Variants in SPOCK1 observed in about 807,000 individuals in gnomAD.
SPOCK1 encodes testican-1.
Under a neutral mutation model 55.3 loss-of-function variants are expected in SPOCK1, and 23 were observed. The observed-to-expected ratio is 0.42, with a 90% CI of 0.30 to 0.59. The LOEUF (loss-of-function observed/expected upper bound fraction) is 0.59, where lower values mean the gene tolerates loss of function less well. SPOCK1 is among the 20% of genes least tolerant of loss of function. SPOCK1 has a pLI of 0.22. For missense variants in SPOCK1, 499 were observed against 552.5 expected (o/e 0.90, Z 0.97); for synonymous variants, 226 against 221.0 (o/e 1.02, Z -0.20).
intron 2 of SPOCK1, among the ~76,000 whole-genome samples, chr5:137,426,131 T>C (rs1027456582): frequency 2.0e-5 from 3 of 152,238 alleles, no homozygotes; most frequent in African/African-American, 4.8e-5. Flanking sequence ...ATCCATAAAA[T>C]AGACATGACA....
intron 2 of SPOCK1, among the ~76,000 whole-genome samples, chr5:137,366,650 A>G (rs1751073442): frequency 6.6e-6 from 1 of 152,258 alleles, no homozygotes; most frequent in African/African-American, 2.4e-5. Flanking sequence ...GCCATTTAAC[A>G]CTAACCAACT....
intron 6 of SPOCK1, among the ~76,000 whole-genome samples, chr5:137,064,245 G>A (rs2127004510): frequency 6.6e-6 from 1 of 152,256 alleles, no homozygotes; most frequent in South Asian, 2.1e-4. Context: ...CTACTTCCTG[G>A]AATTCAGGTA....
intron 2 of SPOCK1, among the ~76,000 whole-genome samples, chr5:137,489,700 T>C (rs553941580): frequency 6.6e-6 from 1 of 152,356 alleles, no homozygotes; most frequent in East Asian, 1.9e-4. Context: ...GTTGAAAATG[T>C]GTGAAGTGTG....
chr5:137,444,362 C>T (rs1210550530), intron 2 of SPOCK1, among the ~76,000 whole-genome samples: 1 of 152,216 alleles, frequency 6.6e-6, no homozygotes, highest in South Asian at 2.1e-4. Context: ...ATCATATAGG[C>T]TCTGCCTGGT....
At chr5:137,112,306 T>C in intron 5 of SPOCK1, 129 bp downstream of exon 5, 1 of 1,159,532 alleles carries the variant, frequency 8.6e-7, no homozygotes. Flanking sequence ...AGTCTGCTAA[T>C]GCAGCAGCTT....
chr5:137,432,198 G>T (rs1752762221), intron 2 of SPOCK1, among the ~76,000 whole-genome samples: 1 of 152,128 alleles, frequency 6.6e-6, no homozygotes, highest in African/African-American at 2.4e-5. Context: ...CAGCACTGAG[G>T]TTCCTCAAAA....
chr5:137,066,960 GCA>G (rs1336029539), intron 6 of SPOCK1, among the ~76,000 whole-genome samples: 4 of 41,138 alleles, frequency 9.7e-5, no homozygotes, highest in Admixed American at 6.8e-4. Context: ...TAAAACATAA[GCA>G]TACACACACA....
chr5:137,035,337 A>AGC, intron 6 of SPOCK1, among the ~76,000 whole-genome samples: 1 of 152,178 alleles, frequency 6.6e-6, no homozygotes, highest in African/African-American at 2.4e-5. Flanking sequence ...TGGGGAAGAT[A>AGC]CAGGGTCTTC....
intron 2 of SPOCK1, among the ~76,000 whole-genome samples, chr5:137,435,894 C>A (rs1222956420): frequency 1.3e-5 from 2 of 152,004 alleles, no homozygotes; most frequent in African/African-American, 2.4e-5. Flanking sequence ...GTGGCTCACA[C>A]CTGTAATCCC....
chr5:137,393,835 A>C (rs1184668943), intron 2 of SPOCK1, among the ~76,000 whole-genome samples: 1 of 152,264 alleles, frequency 6.6e-6, no homozygotes, highest in African/African-American at 2.4e-5. Flanking sequence ...AACACTATTA[A>C]GTGAATGAAT....
intron 3 of SPOCK1, among the ~76,000 whole-genome samples, chr5:137,179,163 A>C (rs1754918293): frequency 6.6e-6 from 1 of 152,216 alleles, no homozygotes; most frequent in African/African-American, 2.4e-5. Context: ...ATCCATCCCC[A>C]GTCTGCTAAG....
intron 2 of SPOCK1, among the ~76,000 whole-genome samples, chr5:137,318,646 G>A (rs1757926302): frequency 6.6e-6 from 1 of 152,204 alleles, no homozygotes; most frequent in Admixed American, 6.5e-5. Context: ...ATGTTACTAG[G>A]AGACTACCCT....
chr5:137,408,096 CACA>C (rs1270866123), intron 2 of SPOCK1, among the ~76,000 whole-genome samples: 1 of 152,196 alleles, frequency 6.6e-6, no homozygotes, highest in Non-Finnish European at 1.5e-5. Flanking sequence ...TTATTTCCTT[CACA>C]ACACTTATCA....
intron 2 of SPOCK1, among the ~76,000 whole-genome samples, chr5:137,355,296 G>A (rs923059583): frequency 2.0e-5 from 3 of 152,158 alleles, no homozygotes; most frequent in African/African-American, 7.2e-5. Flanking sequence ...GGGCTCAAGT[G>A]ATCCTCCTGC....
At chr5:137,269,455 G>A (rs1468390903) in intron 2 of SPOCK1, among the ~76,000 whole-genome samples, 1 of 152,186 alleles carries the variant, frequency 6.6e-6, no homozygotes, top group Non-Finnish European at 1.5e-5. Flanking sequence ...ATGAACACAT[G>A]TGAAGGACTC....
At chr5:137,036,960 C>T (rs1472551504) in intron 6 of SPOCK1, among the ~76,000 whole-genome samples, 2 of 152,112 alleles carry the variant, frequency 1.3e-5, no homozygotes, top group Non-Finnish European at 2.9e-5. Context: ...ACCAGCCCGG[C>T]AGCCCTGGGA....
intron 2 of SPOCK1, among the ~76,000 whole-genome samples, chr5:137,315,457 C>A (rs1561502216): frequency 6.6e-6 from 1 of 152,204 alleles, no homozygotes; most frequent in Non-Finnish European, 1.5e-5. Flanking sequence ...ACAACCCCCC[C>A]ACCATCTCCA....
intron 6 of SPOCK1, among the ~76,000 whole-genome samples, chr5:137,013,506 G>T (rs1751393072): frequency 6.6e-6 from 1 of 152,194 alleles, no homozygotes; most frequent in Non-Finnish European, 1.5e-5. Flanking sequence ...TTTATGTGCA[G>T]TATATAATTG....
chr5:137,063,005 C>T (rs1307750571), intron 6 of SPOCK1, among the ~76,000 whole-genome samples: 5 of 150,838 alleles, frequency 3.3e-5, no homozygotes, highest in East Asian at 1.9e-4. Flanking sequence ...GAGGCCGAGG[C>T]GGGTGGATCA....
Sources: allele counts gnomAD v4.1 joint callset (sites outside exome capture counted in the v4.1 genomes callset), GRCh38; gene constraint gnomAD v4.1.1; transcripts MANE v1.5; gene names NCBI Gene and HGNC (gene_info 2026-07-23, HGNC 2026-07-21).